The following ARHGEF3 variants were observed in gnomAD, a reference collection of about 807,000 sequenced individuals.
The protein encoded by ARHGEF3 is 59.8 kDA protein.
A neutral mutation model predicts 63.2 loss-of-function variants in ARHGEF3; 28 were observed. That is an observed-to-expected ratio of 0.44 (90% CI 0.33 to 0.61). The LOEUF (loss-of-function observed/expected upper bound fraction) is 0.61, where lower values mean the gene tolerates loss of function less well. Ranked by LOEUF, ARHGEF3 falls within the 20% of genes least tolerant of loss-of-function variation. ARHGEF3 has a pLI of 0.03. For missense variants in ARHGEF3, 533 were observed against 659.3 expected, an observed-to-expected ratio of 0.81 and a Z score of 2.10; for synonymous variants, 266 against 254.2, an observed-to-expected ratio of 1.05 and a Z score of -0.44.
intron 4 of ARHGEF3, among the ~76,000 whole-genome samples, chr3:56,811,663 G>C (rs979866492): frequency 5.3e-5 from 8 of 152,108 alleles, no homozygotes; most frequent in Admixed American, 1.3e-4. Context: ...TTCCATCTCA[G>C]AGCCAAAACC....
intron 2 of ARHGEF3, among the ~76,000 whole-genome samples, chr3:56,995,260 G>A (rs73088029): frequency 1.3e-5 from 2 of 151,880 alleles, no homozygotes; most frequent in African/African-American, 4.8e-5. Context: ...GCCGGCGTCT[G>A]GGGGGTGGAG....
intron 2 of ARHGEF3, among the ~76,000 whole-genome samples, chr3:56,770,450 A>AAAT (rs1559923630): frequency 3.1e-4 from 37 of 118,232 alleles, no homozygotes; most frequent in African/African-American, 1.4e-3. Context: ...TTAAATTAAA[A>AAAT]TAAAATGAAA....
At chr3:57,032,472 G>A (rs1375519580) in intron 2 of ARHGEF3, among the ~76,000 whole-genome samples, 1 of 152,244 alleles carries the variant, frequency 6.6e-6, no homozygotes, top group Non-Finnish European at 1.5e-5. Flanking sequence ...GTTACTCCAA[G>A]TGAGAGCACT....
chr3:56,833,045 A>G (rs2038984502), intron 4 of ARHGEF3, among the ~76,000 whole-genome samples: 1 of 152,208 alleles, frequency 6.6e-6, no homozygotes, highest in Non-Finnish European at 1.5e-5. Flanking sequence ...TAATGCTGCT[A>G]TGAACATCCA....
intron 8 of ARHGEF3, among the ~76,000 whole-genome samples, chr3:56,735,896 A>T (rs1364641928): frequency 6.6e-6 from 1 of 152,198 alleles, no homozygotes; most frequent in Non-Finnish European, 1.5e-5. Flanking sequence ...CTCAGTCTAG[A>T]CTAAACGGAT....
chr3:56,763,708 T>C (rs942923363), intron 2 of ARHGEF3, among the ~76,000 whole-genome samples: 4 of 152,158 alleles, frequency 2.6e-5, no homozygotes, highest in African/African-American at 9.6e-5. Flanking sequence ...GTTTTCTTTT[T>C]AAAATTTTAT....
At chr3:56,966,881 G>A (rs1700520113) in intron 2 of ARHGEF3, among the ~76,000 whole-genome samples, 1 of 147,268 alleles carries the variant, frequency 6.8e-6, no homozygotes, top group Admixed American at 6.8e-5. Context: ...ATTTTTTATT[G>A]AGACAGAGTT....
intron 1 of ARHGEF3, among the ~76,000 whole-genome samples, chr3:56,786,790 ACT>A (rs1283668757): frequency 6.6e-6 from 1 of 152,132 alleles, no homozygotes; most frequent in African/African-American, 2.4e-5. Context: ...TCCCAGCATC[ACT>A]CTCAGCTAGT....
At chr3:56,775,824 C>CACACA in intron 1 of ARHGEF3, 1 of 266,176 alleles carries the variant, frequency 3.8e-6, no homozygotes, top group Non-Finnish European at 5.7e-6. Context: ...ACACACACTG[C>CACACA]CTCTTAAGCA....
chr3:56,866,712 T>C (rs529291662), intron 4 of ARHGEF3, among the ~76,000 whole-genome samples: 2 of 152,254 alleles, frequency 1.3e-5, no homozygotes, highest in Non-Finnish European at 2.9e-5. Flanking sequence ...AAGCAATGTA[T>C]GTTGATTGAT....
chr3:56,862,745 A>AT (rs2040121039), intron 4 of ARHGEF3, among the ~76,000 whole-genome samples: 1 of 152,226 alleles, frequency 6.6e-6, no homozygotes, highest in African/African-American at 2.4e-5. Context: ...TTGTGGTTGC[A>AT]GCTGAGCATG....
In ARHGEF3 at chr3:56,886,000, G is replaced by A. The variant is rs954979571; in HGVS notation, c.130-3646C>T. Reference sequence around the variant, plus strand: ...CTTTTGACACGCAAAACCCCATTCTGGGTCCTTGGATATAGCAGTGAATGA... The same window carrying A: ...CTTTTGACACGCAAAACCCCATTCTAGGTCCTTGGATATAGCAGTGAATGA... On this transcript the variant is annotated intron_variant, in intron 3 of 12. Coordinates refer to the ARHGEF3 transcript ENST00000338458. 2.6e-5 allele frequency among the ~76,000 whole-genome samples: 4 copies of A among 152,222 alleles called. No homozygotes were observed. In the South Asian group the frequency reaches 8.3e-4, roughly 32 times the overall value.
At chr3:57,009,847 A>C (rs1702611510) in intron 2 of ARHGEF3, among the ~76,000 whole-genome samples, 2 of 152,178 alleles carry the variant, frequency 1.3e-5, no homozygotes, top group Non-Finnish European at 2.9e-5. Flanking sequence ...AATAATAATA[A>C]TAGTGAGCAG....
At chr3:57,024,716 T>C (rs11918408) in intron 2 of ARHGEF3, among the ~76,000 whole-genome samples, 39,115 of 152,076 alleles carry the variant, frequency 0.26, 5,464 homozygotes, top group Middle Eastern at 0.33. Context: ...CTCGATCTCC[T>C]GACCTCATGA....
chr3:56,760,267 A>C (rs1227577027), intron 2 of ARHGEF3, among the ~76,000 whole-genome samples: 1 of 151,796 alleles, frequency 6.6e-6, no homozygotes, highest in Non-Finnish European at 1.5e-5. Context: ...CTTTGCTCAC[A>C]CTCTCATCAA....
chr3:56,949,493 A>G (rs1412829207), intron 3 of ARHGEF3, among the ~76,000 whole-genome samples: 3 of 151,484 alleles, frequency 2.0e-5, no homozygotes, highest in African/African-American at 7.3e-5. Flanking sequence ...ATAATAGACA[A>G]ACAGAGAGCC....
intron 1 of ARHGEF3, among the ~76,000 whole-genome samples, chr3:57,042,736 G>T (rs1315155076): frequency 7.9e-6 from 1 of 126,348 alleles, no homozygotes; most frequent in African/African-American, 3.0e-5. Flanking sequence ...TCGCTCTGTC[G>T]CCCAGACTGG....
At chr3:56,946,244 G>A (rs1158635375) in intron 3 of ARHGEF3, among the ~76,000 whole-genome samples, 1 of 152,198 alleles carries the variant, frequency 6.6e-6, no homozygotes, top group Non-Finnish European at 1.5e-5. Flanking sequence ...AAGGAATACA[G>A]CTCCTCACCA....
chr3:57,007,913 C>G (rs1702530300), intron 2 of ARHGEF3, among the ~76,000 whole-genome samples: 1 of 152,218 alleles, frequency 6.6e-6, no homozygotes, highest in South Asian at 2.1e-4. Context: ...GGCAGCTCAA[C>G]TATTTTAGCA....
Sources: allele counts gnomAD v4.1 joint callset (sites outside exome capture counted in the v4.1 genomes callset), GRCh38; gene constraint gnomAD v4.1.1; transcripts MANE v1.5; gene names NCBI Gene and HGNC (gene_info 2026-07-23, HGNC 2026-07-21).